The following RPRD2 variants were observed in gnomAD, a reference collection of about 807,000 sequenced individuals.
RPRD2 encodes regulation of nuclear pre-mRNA domain-containing protein 2.
RPRD2 carries 12 observed loss-of-function variants against 104.4 expected under a neutral mutation model. The observed-to-expected ratio is 0.11, with a 90% CI of 0.07 to 0.19. The LOEUF is 0.19. Among genes scored for constraint, RPRD2 ranks in the 10% least tolerant of loss-of-function variants. The pLI is 1.00. For synonymous variants in RPRD2, 714 were observed against 684.9 expected (o/e 1.04, Z -0.66); for missense variants, 1,543 against 1,790.1 (o/e 0.86, Z 2.49).
chr1:150,377,403 A>G (rs1274794690), intron 1 of RPRD2, among the ~76,000 whole-genome samples: 3 of 151,698 alleles, frequency 2.0e-5, no homozygotes, highest in Non-Finnish European at 2.9e-5. Flanking sequence ...GATTGAGACC[A>G]TCCTGGCTGA....
intron 5 of RPRD2, 139 bp from the exon 6 acceptor site, chr1:150,444,111 GT>G: frequency 2.6e-6 from 2 of 778,702 alleles, no homozygotes; most frequent in Non-Finnish European, 3.9e-6. Context: ...AAAGTGAAAA[GT>G]TTTTTTCCTC....
rs955482199 is a variant in RPRD2 at position 150,399,778 on chromosome 1, G to T, written c.206-17818G>T. 9.9e-5 allele frequency among the ~76,000 whole-genome samples: 15 copies of T among 151,292 alleles called. No homozygotes were observed. In the East Asian group the frequency reaches 2.9e-3, roughly 29 times the overall value. ...TCTCAAAAAAAAAAAAAAATTGATTGCCCACGTATATATATGCTGCCTTGA... is the reference window on the plus strand; with the variant it reads ...TCTCAAAAAAAAAAAAAAATTGATTTCCCACGTATATATATGCTGCCTTGA... On this transcript the variant is annotated intron_variant, in intron 1 of 10. Coordinates refer to ENST00000369068, the MANE Select transcript of RPRD2 (RefSeq NM_015203.5).
intron 1 of RPRD2, among the ~76,000 whole-genome samples, chr1:150,411,842 TAGGCTAGGCGC>T: frequency 7.0e-6 from 1 of 143,198 alleles, no homozygotes; most frequent in Admixed American, 7.1e-5. Context: ...AAGAAGGCAG[TAGGCTAGGCGC>T]GGTGGCTCAC....
chr1:150,445,464 G>C (rs1666694409), intron 6 of RPRD2, among the ~76,000 whole-genome samples: 1 of 152,090 alleles, frequency 6.6e-6, no homozygotes, highest in African/African-American at 2.4e-5. Context: ...TGCATACAGA[G>C]GTCACTTTAT....
intron 1 of RPRD2, among the ~76,000 whole-genome samples, chr1:150,365,981 G>A (rs782716676): frequency 1.3e-5 from 2 of 152,174 alleles, no homozygotes; most frequent in Non-Finnish European, 2.9e-5. Flanking sequence ...TTTTGAATAT[G>A]TAGTACCTTT....
At chr1:150,376,468 T>C (rs1401052752) in intron 1 of RPRD2, among the ~76,000 whole-genome samples, 2 of 152,112 alleles carry the variant, frequency 1.3e-5, no homozygotes, top group African/African-American at 4.8e-5. Context: ...TCCTTTACTG[T>C]CATCATAGTT....
chr1:150,370,534 CA>C (rs1553878161), intron 1 of RPRD2, among the ~76,000 whole-genome samples: 2 of 145,156 alleles, frequency 1.4e-5, no homozygotes, highest in African/African-American at 5.1e-5. Flanking sequence ...ACTAGGAGGA[CA>C]AAATGGAAAA....
At chr1:150,368,054 G>A (rs1553877486) in intron 1 of RPRD2, among the ~76,000 whole-genome samples, 1 of 151,888 alleles carries the variant, frequency 6.6e-6, no homozygotes. Context: ...ACAAGTTGAA[G>A]GTCTGAATTT....
intron 1 of RPRD2, among the ~76,000 whole-genome samples, chr1:150,416,505 A>G (rs1553888573): frequency 6.6e-6 from 1 of 152,118 alleles, no homozygotes; most frequent in Non-Finnish European, 1.5e-5. Flanking sequence ...CCAGCATAAT[A>G]ATGAAATTTA....
chr1:150,472,496 C>A lies in RPRD2; in HGVS notation c.3548C>A (p.Ser1183Tyr). 1 of 1,613,940 alleles carries A rather than the reference C, an allele frequency of 6.2e-7. No individual in the cohort carries two copies. The highest frequency in any genetic ancestry group is 1.1e-5 in the South Asian group (1 of 91,084). The change falls in exon 11 of 11, where the codon TCC (serine) becomes TAC (tyrosine). Residue 1183 changes from serine (S) to tyrosine (Y), a missense_variant. This residue lies in a region of RPRD2 where 880 missense variants were observed against 885.6 expected (regional missense o/e 0.99). Coordinates refer to ENST00000369068, the MANE Select transcript of RPRD2 (RefSeq NM_015203.5). ...QFQESVGSFR[S>Y]NSFNSTFEHH... ...CAGGAGAGTGTCGGCAGCTTTCGTT[C>A]CAACAGTTTCAACTCAACATTTGAG...
chr1:150,402,854 A>G (rs1553885719), intron 1 of RPRD2, among the ~76,000 whole-genome samples: 1 of 152,046 alleles, frequency 6.6e-6, no homozygotes, highest in Non-Finnish European at 1.5e-5. Flanking sequence ...TGTAATCCCA[A>G]TTACTCGGGA....
chr1:150,440,632 C>T (rs1350128932), intron 2 of RPRD2, among the ~76,000 whole-genome samples: 1 of 152,282 alleles, frequency 6.6e-6, no homozygotes, highest in South Asian at 2.1e-4. Flanking sequence ...GTTGTGTCTG[C>T]ACATTCCCAG....
intron 1 of RPRD2, among the ~76,000 whole-genome samples, chr1:150,395,006 A>AT (rs1224638449): frequency 2.0e-5 from 3 of 152,128 alleles, no homozygotes; most frequent in Non-Finnish European, 4.4e-5. Flanking sequence ...TTTAAATTAA[A>AT]TTTTTTTATT....
At chr1:150,382,529 T>C (rs151117321) in intron 1 of RPRD2, among the ~76,000 whole-genome samples, 17 of 152,214 alleles carry the variant, frequency 1.1e-4, no homozygotes, top group Non-Finnish European at 2.2e-4. Flanking sequence ...CGGCTAATTT[T>C]TGTATTTTTA....
At chr1:150,444,515 A>G in intron 6 of RPRD2, 138 bp downstream of exon 6, 1 of 724,528 alleles carries the variant, frequency 1.4e-6, no homozygotes, top group Non-Finnish European at 2.2e-6. Flanking sequence ...CCAGGTAGTT[A>G]TTTCATGCAT....
intron 1 of RPRD2, among the ~76,000 whole-genome samples, chr1:150,387,658 C>G (rs1002177550): frequency 2.5e-5 from 3 of 121,456 alleles, no homozygotes; most frequent in Non-Finnish European, 4.8e-5. Flanking sequence ...GTGGCGTGAT[C>G]TTGGCTCACT....
intron 7 of RPRD2, among the ~76,000 whole-genome samples, chr1:150,448,529 A>C (rs587696383): frequency 6.6e-6 from 1 of 152,152 alleles, no homozygotes. Context: ...CTATAATCAT[A>C]CTTAATTACT....
At chr1:150,466,377 CAAAAAAAA>C (rs34200262) in intron 10 of RPRD2, among the ~76,000 whole-genome samples, 2 of 105,042 alleles carry the variant, frequency 1.9e-5, no homozygotes, top group African/African-American at 7.7e-5. Context: ...GACTCTGTCT[CAAAAAAAA>C]AAAAAAAAAA....
chr1:150,372,238 C>T (rs1343330049), intron 1 of RPRD2, among the ~76,000 whole-genome samples: 1 of 152,078 alleles, frequency 6.6e-6, no homozygotes, highest in Non-Finnish European at 1.5e-5. Flanking sequence ...TCAGTTTTTT[C>T]AATATTTATC....
Sources: gnomAD v4.1 joint callset for allele counts (sites outside exome capture counted in the v4.1 genomes callset) on GRCh38, gnomAD v4.1.1 for gene constraint, gnomAD v4.1.1 regional missense constraint, MANE v1.5 for transcripts, NCBI Gene and HGNC (gene_info 2026-07-23, HGNC 2026-07-21) for gene names.